Variants in RNLS observed in about 807,000 individuals in gnomAD.
RNLS encodes renalase.
RNLS carries 39 observed loss-of-function variants against 39.8 expected under a neutral mutation model. The observed-to-expected ratio is 0.98, with a 90% CI of 0.76 to 1.28. The LOEUF is 1.28. Among genes scored for constraint, RNLS ranks in the 50% most tolerant of loss-of-function variants. The pLI, the probability that RNLS is intolerant of heterozygous loss-of-function variation, is 0.00. For missense variants in RNLS, 410 were observed against 413.3 expected (o/e 0.99, Z 0.07); for synonymous variants, 147 against 150.7 (o/e 0.98, Z 0.18).
chr10:88,543,366 C>T (rs1450459399), intron 4 of RNLS, among the ~76,000 whole-genome samples: 1 of 152,146 alleles, frequency 6.6e-6, no homozygotes. Context: ...CAAACACCAA[C>T]ATACAAAGAA....
the RNLS span, among the ~76,000 whole-genome samples, chr10:88,251,492 A>G: frequency 6.6e-6 from 1 of 152,264 alleles, no homozygotes; most frequent in African/African-American, 2.4e-5. Flanking sequence ...ACAGGTTCTC[A>G]TTTAATCTCT....
intron 5 of RNLS, among the ~76,000 whole-genome samples, chr10:88,339,196 G>A (rs192425955): frequency 1.3e-5 from 2 of 152,272 alleles, no homozygotes; most frequent in African/African-American, 2.4e-5. Flanking sequence ...AATATGTGAG[G>A]GGAGCAAGTT....
Position 88,581,574 on chromosome 10 carries a change from T to C in RNLS, c.360A>G (p.Lys120=). The change falls in exon 3 of 7, where the codon AAA becomes AAG. Residue 120 remains lysine (K), a synonymous_variant. Transcript: ENST00000331772. ...AGAAAATCTTACTCCCACCTGATTC[T>C]TTCAAGTAATGCTTAATAATTGAAG... ...GISSIIKHYL[K]ESGAEVYFRH... 1.3e-6 allele frequency: 2 copies of C among 1,591,242 alleles called. No individual in the cohort carries two copies. The highest frequency in any genetic ancestry group is 1.7e-4 in the Middle Eastern group (1 of 5,976).
chr10:88,244,700 T>TTC, the RNLS span, among the ~76,000 whole-genome samples: 32 of 151,660 alleles, frequency 2.1e-4, no homozygotes, highest in Non-Finnish European at 2.7e-4. Flanking sequence ...GCTTTTTTTT[T>TTC]TTTCTTTCTT....
At chr10:88,573,180 C>G in intron 3 of RNLS, 119 bp from the exon 4 acceptor site, 5 of 870,914 alleles carry the variant, frequency 5.7e-6, no homozygotes, top group Non-Finnish European at 7.0e-6. Flanking sequence ...CTGTCTTCTA[C>G]TGTCCTCCAG....
chr10:88,344,658 T>G (rs1346674291), intron 5 of RNLS, among the ~76,000 whole-genome samples: 1 of 152,154 alleles, frequency 6.6e-6, no homozygotes, highest in Admixed American at 6.6e-5. Flanking sequence ...ACCTCAAGGT[T>G]CTAAAGTGCC....
intron 4 of RNLS, among the ~76,000 whole-genome samples, chr10:88,484,224 C>A (rs1293560190): frequency 1.3e-5 from 2 of 152,032 alleles, no homozygotes; most frequent in East Asian, 1.9e-4. Context: ...ACCAAACCAA[C>A]TTTATTAGAT....
the RNLS span, among the ~76,000 whole-genome samples, chr10:88,203,095 A>G: frequency 6.6e-6 from 1 of 151,384 alleles, no homozygotes; most frequent in Non-Finnish European, 1.5e-5. Context: ...TAACTTTCAG[A>G]GACTAAATAG....
chr10:88,545,210 C>T (rs1848237748), intron 4 of RNLS, among the ~76,000 whole-genome samples: 1 of 152,080 alleles, frequency 6.6e-6, no homozygotes, highest in East Asian at 1.9e-4. Flanking sequence ...CTAAGATTTT[C>T]CCTTATCTTA....
rs1474063040 is a variant in RNLS, at chr10:88,275,023, C to CA, written c.885dup (p.Ala296CysfsTer48). ...TTCGCACATCCTAGAATCACACCAG[C>CA]ACTTGGTACCTGAAAATCAAAGGAA... On this transcript the variant is annotated frameshift_variant, in exon 7 of 7. Transcript: ENST00000371947. LOFTEE classifies it high-confidence loss of function. The CA allele has an allele frequency of 6.2e-6, 10 of 1,612,852 alleles. No homozygotes were observed. Among genetic ancestry groups the CA allele is most frequent in the Admixed American group, 1.7e-5 (1 of 59,924 alleles).
At chr10:88,229,707 A>G in the RNLS span, among the ~76,000 whole-genome samples, 1 of 152,108 alleles carries the variant, frequency 6.6e-6, no homozygotes, top group Non-Finnish European at 1.5e-5. Flanking sequence ...CCATTAATAC[A>G]CTTTCTGTCC....
At chr10:88,408,330 A>G (rs991699163) in intron 4 of RNLS, among the ~76,000 whole-genome samples, 4 of 152,014 alleles carry the variant, frequency 2.6e-5, no homozygotes, top group African/African-American at 7.2e-5. Flanking sequence ...TACTGTTGCT[A>G]TGGTCTGAAT....
the RNLS span, among the ~76,000 whole-genome samples, chr10:88,172,808 G>A: frequency 1.0e-4 from 13 of 124,902 alleles, no homozygotes; most frequent in African/African-American, 3.8e-4. Flanking sequence ...AATAGTTTGG[G>A]GTCTTACATT....
chr10:88,284,175 C>T lies in RNLS; in HGVS notation c.*1179G>A. On this transcript the variant is annotated 3_prime_UTR_variant, in exon 7 of 7. Coordinates refer to ENST00000331772, the MANE Select transcript of RNLS (RefSeq NM_001031709.3). ...TAATATGCTATAGGGTCATAAAACC[C>T]ACTTTGCAGCTATAGAAGCAAGTTC... is the stretch of plus-strand genomic sequence containing the variant. 1.0e-6 allele frequency: 1 copy of T among 985,260 alleles called. No individual in the cohort carries two copies. Among genetic ancestry groups the T allele is most frequent in the South Asian group, 4.7e-5 (1 of 21,282 alleles). 61.0% of individuals were successfully genotyped at this position (985,260 alleles called of 1,614,324 possible).
chr10:88,581,294 G>GTATATATA lies in RNLS; in HGVS notation c.367+265_367+272dup, dbSNP rs61477690. 8.4e-3 allele frequency among the ~76,000 whole-genome samples: 1,089 copies of GTATATATA among 129,848 alleles called. 33 individuals carry two copies. The highest frequency in any genetic ancestry group is 0.066 in the South Asian group (270 of 4,092). 85.2% of individuals were successfully genotyped at this position (129,848 alleles called of 152,430 possible). A position where few individuals can be genotyped will look rare whatever the true frequency, so the allele number is the denominator to read the frequency against. ...AATATATATGTATGTGTGTGTGTGT[G>GTATATATA]TATATATATATATATATATATACAT... On this transcript the variant is annotated intron_variant, in intron 3 of 6. Coordinates refer to ENST00000331772, the MANE Select transcript of RNLS (RefSeq NM_001031709.3).
chr10:88,455,968 C>T (rs1842607916), intron 4 of RNLS, among the ~76,000 whole-genome samples: 1 of 152,226 alleles, frequency 6.6e-6, no homozygotes, highest in Non-Finnish European at 1.5e-5. Context: ...GAGCATCGAA[C>T]AGTTTTAACT....
chr10:88,339,387 GAAGT>G (rs972587360), intron 5 of RNLS, among the ~76,000 whole-genome samples: 3 of 152,210 alleles, frequency 2.0e-5, no homozygotes, highest in African/African-American at 7.2e-5. Flanking sequence ...GGTGGGGAAA[GAAGT>G]AAGTGTTCCT....
the RNLS span, among the ~76,000 whole-genome samples, chr10:88,228,021 G>A: frequency 6.6e-6 from 1 of 152,166 alleles, no homozygotes; most frequent in East Asian, 1.9e-4. Context: ...TCTCTTGGAA[G>A]AAGGGCGGAG....
At chr10:88,235,191 G>A in the RNLS span, among the ~76,000 whole-genome samples, 5 of 150,230 alleles carry the variant, frequency 3.3e-5, no homozygotes, top group East Asian at 2.0e-4. Context: ...TGGCGTGAAC[G>A]CGGGAGGTGG....
Sources: allele counts gnomAD v4.1 joint callset (sites outside exome capture counted in the v4.1 genomes callset), GRCh38; gene constraint gnomAD v4.1.1; transcripts MANE v1.5; gene names NCBI Gene and HGNC (gene_info 2026-07-23, HGNC 2026-07-21).